The following ARFIP1 variants were observed in gnomAD, a reference collection of about 807,000 sequenced individuals.
ARFIP1 encodes ARF interacting protein 1.
Under a neutral mutation model 42.5 loss-of-function variants are expected in ARFIP1, and 24 were observed. That is an observed-to-expected ratio of 0.57 (90% CI 0.41 to 0.80). ARFIP1 has a LOEUF of 0.80. Ranked by LOEUF, ARFIP1 falls within the 30% of genes least tolerant of loss-of-function variation. The pLI, the probability that ARFIP1 is intolerant of heterozygous loss-of-function variation, is 0.00. For missense variants in ARFIP1, 354 were observed against 434.0 expected (o/e 0.82, Z 1.64); for synonymous variants, 141 against 153.7 (o/e 0.92, Z 0.61).
At chr4:152,855,243 T>C (rs538629127) in intron 2 of ARFIP1, among the ~76,000 whole-genome samples, 1 of 152,122 alleles carries the variant, frequency 6.6e-6, no homozygotes, top group African/African-American at 2.4e-5. Flanking sequence ...GGCTGGGCAA[T>C]GCTGTGGCCC....
At chr4:152,851,538 C>G (rs1246888988) in intron 2 of ARFIP1, among the ~76,000 whole-genome samples, 1 of 152,156 alleles carries the variant, frequency 6.6e-6, no homozygotes, top group Non-Finnish European at 1.5e-5. Context: ...ACCTTGAAAA[C>G]CATATTGAAG....
At chr4:152,893,492 G>A (rs553155074) in intron 8 of ARFIP1, among the ~76,000 whole-genome samples, 2 of 152,206 alleles carry the variant, frequency 1.3e-5, no homozygotes, top group African/African-American at 4.8e-5. Context: ...TTTCTTTAAG[G>A]TGACTAATTT....
chr4:152,827,962 C>T (rs1037173682), intron 1 of ARFIP1, among the ~76,000 whole-genome samples: 1 of 152,216 alleles, frequency 6.6e-6, no homozygotes, highest in Non-Finnish European at 1.5e-5. Flanking sequence ...ACATGAACCA[C>T]TGCACTTGGC....
intron 2 of ARFIP1, among the ~76,000 whole-genome samples, chr4:152,857,930 G>C (rs996351104): frequency 2.0e-5 from 3 of 152,074 alleles, no homozygotes; most frequent in African/African-American, 4.8e-5. Context: ...TTTCACTGCC[G>C]TGTCAGTAGT....
chr4:152,872,096 C>A (rs1734932557), intron 4 of ARFIP1, among the ~76,000 whole-genome samples: 1 of 151,962 alleles, frequency 6.6e-6, no homozygotes, highest in Non-Finnish European at 1.5e-5. Context: ...CAAGATACTT[C>A]TTTTTTAGTG....
intron 3 of ARFIP1, among the ~76,000 whole-genome samples, chr4:152,865,256 C>T (rs1056258022): frequency 1.3e-5 from 2 of 152,086 alleles, no homozygotes; most frequent in Admixed American, 1.3e-4. Flanking sequence ...CCTGCCTCGA[C>T]ATCCCAAGTA....
At chr4:152,871,482 G>A (rs1309310540) in intron 4 of ARFIP1, among the ~76,000 whole-genome samples, 1 of 152,054 alleles carries the variant, frequency 6.6e-6, no homozygotes, top group African/African-American at 2.4e-5. Flanking sequence ...TTTGTTTTGT[G>A]AGAATTTTGT....
At chr4:152,792,742 C>CT (rs1199638933) in intron 1 of ARFIP1, among the ~76,000 whole-genome samples, 1 of 152,052 alleles carries the variant, frequency 6.6e-6, no homozygotes, top group Non-Finnish European at 1.5e-5. Context: ...AAAACTCTCC[C>CT]TCACTAAAAT....
At chr4:152,852,700 TA>T (rs1312708091) in intron 2 of ARFIP1, among the ~76,000 whole-genome samples, 8 of 152,186 alleles carry the variant, frequency 5.3e-5, no homozygotes, top group African/African-American at 1.9e-4. Flanking sequence ...TGTGAGGCTA[TA>T]TAATATTACT....
At chr4:152,792,866 A>G (rs1387882668) in intron 1 of ARFIP1, among the ~76,000 whole-genome samples, 2 of 152,192 alleles carry the variant, frequency 1.3e-5, no homozygotes, top group African/African-American at 4.8e-5. Flanking sequence ...AGTTGGATGG[A>G]TTTTAAACTT....
chr4:152,780,121 G>A lies in ARFIP1; in HGVS notation c.-115G>A, dbSNP rs1287146466. The A allele has an allele frequency of 6.6e-6, 1 of 152,480 alleles. No individual in the cohort carries two copies. Among genetic ancestry groups the A allele is most frequent in the Non-Finnish European group, 1.5e-5 (1 of 68,194 alleles). The allele number at this position is 152,480 out of a possible 1,614,324, so 9.4% of individuals were successfully genotyped here. On this transcript the variant is annotated 5_prime_UTR_variant, in exon 1 of 9. Coordinates refer to ENST00000353617, the MANE Select transcript of ARFIP1 (RefSeq NM_001025595.3). The stretch of plus-strand genomic sequence containing the variant: ...GTGGGGGAAGGGGAAGAAGGAAAAG[G>A]TCCGGGTCGCGTTTCCGCTCAGTTT...
chr4:152,808,142 G>C (rs1314440771), intron 1 of ARFIP1, among the ~76,000 whole-genome samples: 1 of 151,674 alleles, frequency 6.6e-6, no homozygotes, highest in Non-Finnish European at 1.5e-5. Flanking sequence ...CACCACGCCT[G>C]GCTATTTTTG....
At chr4:152,866,519 G>A (rs1433089046) in intron 3 of ARFIP1, among the ~76,000 whole-genome samples, 6 of 104,286 alleles carry the variant, frequency 5.8e-5, no homozygotes, top group African/African-American at 1.2e-4. Context: ...CCTCCCTCCC[G>A]GACGGGGCGG....
chr4:152,874,755 C>T (rs1485787215), intron 5 of ARFIP1, among the ~76,000 whole-genome samples: 1 of 152,186 alleles, frequency 6.6e-6, no homozygotes, highest in East Asian at 1.9e-4. Context: ...ACCATAACCA[C>T]CTGGACCCAA....
At chr4:152,908,770 G>A (rs373488196) in intron 8 of ARFIP1, among the ~76,000 whole-genome samples, 5 of 151,954 alleles carry the variant, frequency 3.3e-5, no homozygotes, top group Non-Finnish European at 7.4e-5. Context: ...CCCTTGAAGC[G>A]CTCCCTAGAC....
At chr4:152,876,405 A>G (rs2149887957) in intron 5 of ARFIP1, among the ~76,000 whole-genome samples, 1 of 152,280 alleles carries the variant, frequency 6.6e-6, no homozygotes, top group East Asian at 1.9e-4. Context: ...TACCCTAGAG[A>G]TTTGTGGAAC....
rs546161023 is a variant in ARFIP1, at chr4:152,809,214, C to T, written c.-9-20411C>T. Among the ~76,000 whole-genome samples, 4 of 152,302 alleles carry T rather than the reference C, an allele frequency of 2.6e-5. No homozygotes were observed. The South Asian group carries it at 8.3e-4, about 32-fold the overall frequency. ...GGGCATGCTTATAGCACTGGTTCTA[C>T]TTGGCTGCACATTAGAATCACCTGG... is the stretch of plus-strand genomic sequence containing the variant. On this transcript the variant is annotated intron_variant, in intron 1 of 8. Coordinates refer to ENST00000353617, the MANE Select transcript of ARFIP1 (RefSeq NM_001025595.3).
intron 1 of ARFIP1, among the ~76,000 whole-genome samples, chr4:152,814,031 C>T (rs963499062): frequency 6.0e-5 from 9 of 151,176 alleles, no homozygotes; most frequent in Admixed American, 4.0e-4. Flanking sequence ...CTCCTTTATT[C>T]GATATAGAAT....
intron 1 of ARFIP1, among the ~76,000 whole-genome samples, chr4:152,819,991 C>T (rs1383864647): frequency 6.6e-6 from 1 of 152,108 alleles, no homozygotes; most frequent in Non-Finnish European, 1.5e-5. Flanking sequence ...CACAACTCTT[C>T]TGTATGTGTA....
Sources: allele counts gnomAD v4.1 joint callset (sites outside exome capture counted in the v4.1 genomes callset), GRCh38; gene constraint gnomAD v4.1.1; transcripts MANE v1.5; gene names NCBI Gene and HGNC (gene_info 2026-07-23, HGNC 2026-07-21).